The following DNAJC27 variants were observed in gnomAD, a reference collection of about 807,000 sequenced individuals.
The protein encoded by DNAJC27 is dnaJ homolog subfamily C member 27.
Under a neutral mutation model 31.4 loss-of-function variants are expected in DNAJC27, and 25 were observed. The ratio of observed to expected loss-of-function variants is 0.80; its 90% CI spans 0.58 to 1.11. The LOEUF is 1.11. DNAJC27 is among the 50% of genes most tolerant of loss of function. The pLI, the probability that DNAJC27 is intolerant of heterozygous loss-of-function variation, is 0.00. For missense variants in DNAJC27, 356 were observed against 347.3 expected, an observed-to-expected ratio of 1.02 and a Z score of -0.20; for synonymous variants, 106 against 112.7, an observed-to-expected ratio of 0.94 and a Z score of 0.37.
intron 1 of DNAJC27, chr2:24,969,184 T>C: frequency 4.6e-6 from 1 of 216,270 alleles, no homozygotes. Context: ...CTATTGCCTG[T>C]CACAAAACGT....
chr2:24,957,177 G>C lies in DNAJC27; in HGVS notation c.406-12C>G. On this transcript the variant is annotated splice_polypyrimidine_tract_variant and intron_variant, in intron 4 of 6. Coordinates refer to ENST00000264711, the MANE Select transcript of DNAJC27 (RefSeq NM_016544.3). The stretch of plus-strand genomic sequence containing the variant: ...TTGGTACAATCAATCTGAAATAGAA[G>C]GGGCGGGGGACAGAGAGAAGATTAC... The C allele has an allele frequency of 6.3e-7, 1 of 1,584,562 alleles. No individual in the cohort carries two copies. The highest frequency in any genetic ancestry group is 1.2e-5 in the South Asian group (1 of 86,232).
At chr2:24,970,368 G>C (rs1286488522) in intron 1 of DNAJC27, among the ~76,000 whole-genome samples, 1 of 151,526 alleles carries the variant, frequency 6.6e-6, no homozygotes, top group South Asian at 2.1e-4. Context: ...AATTGCACTG[G>C]CTAATAAAAC....
intron 1 of DNAJC27, among the ~76,000 whole-genome samples, chr2:24,968,411 ATG>A (rs1430160214): frequency 1.3e-5 from 2 of 152,282 alleles, no homozygotes; most frequent in African/African-American, 2.4e-5. Context: ...TAAAATGAGT[ATG>A]TGTTACTTTT....
intron 5 of DNAJC27, among the ~76,000 whole-genome samples, chr2:24,956,487 T>A (rs1329872886): frequency 2.0e-5 from 3 of 152,066 alleles, no homozygotes; most frequent in Non-Finnish European, 4.4e-5. Flanking sequence ...CTGGATGGAG[T>A]CTATACTGAC....
chr2:24,950,290 C>T (rs890994804), intron 6 of DNAJC27, among the ~76,000 whole-genome samples: 17 of 152,032 alleles, frequency 1.1e-4, no homozygotes, highest in African/African-American at 3.1e-4. Context: ...ATGTGTAGTG[C>T]TTTGGGTGCT....
chr2:24,966,128 C>T (rs888642135), intron 2 of DNAJC27, among the ~76,000 whole-genome samples: 2 of 152,260 alleles, frequency 1.3e-5, no homozygotes, highest in East Asian at 1.9e-4. Context: ...GAAGACCTTA[C>T]GGGAACAGGA....
Position 24,947,536 on chromosome 2 carries a change from A to G in DNAJC27, c.*80T>C. The stretch of plus-strand genomic sequence containing the variant: ...AAAGAGCAGTGAGATTCTGGGAAGG[A>G]AAACTCCACGTTGGTTATTTCACCT... On this transcript the variant is annotated 3_prime_UTR_variant, in exon 7 of 7. Transcript: ENST00000264711. 2.0e-6 allele frequency: 3 copies of G among 1,499,402 alleles called. No individual in the cohort carries two copies. Among genetic ancestry groups the G allele is most frequent in the Non-Finnish European group, 2.7e-6 (3 of 1,109,784 alleles). The allele number at this position is 1,499,402 out of a possible 1,614,324, so 92.9% of individuals were successfully genotyped here.
rs1345361741 is a variant in DNAJC27 at position 24,951,496 on chromosome 2, T to C, written c.587A>G (p.Asn196Ser). The C allele has an allele frequency of 1.9e-6, 3 of 1,613,686 alleles. No homozygotes were observed. The highest frequency in any genetic ancestry group is 1.7e-5 in the Admixed American group (1 of 59,952). Residue 196 changes from asparagine (N) to serine (S), a missense_variant, in exon 6 of 7, where the codon AAT becomes AGT. Transcript: ENST00000264711. Reference sequence around the variant, plus strand: ...TTCTTTGGTGAAACTAGCACTGCTATTGGTGGTAGGGCGTTTCCCGCCATT... The same window carrying C: ...TTCTTTGGTGAAACTAGCACTGCTACTGGTGGTAGGGCGTTTCCCGCCATT... ...CENGGKRPTT[N>S]SSASFTKEQA...
At chr2:24,954,012 T>C (rs1421034715) in intron 5 of DNAJC27, among the ~76,000 whole-genome samples, 3 of 152,132 alleles carry the variant, frequency 2.0e-5, no homozygotes, top group East Asian at 3.9e-4. Context: ...GGTTGTCTGC[T>C]TGGAGTCCAT....
In DNAJC27 at chr2:24,945,145, T is replaced by C. The variant is rs1034655008; in HGVS notation, c.*2471A>G. The C allele has an allele frequency of 6.6e-6, 1 of 152,208 alleles. No homozygotes were observed. Among genetic ancestry groups the C allele is most frequent in the Non-Finnish European group, 1.5e-5 (1 of 68,036 alleles). 9.4% of individuals were successfully genotyped at this position (152,208 alleles called of 1,614,324 possible). ...ATGAAGTTAGTGCCAAAAAAACCTTTCCATTGCAGATCATGCTTTATTTCT... is the reference window on the plus strand; with the variant it reads ...ATGAAGTTAGTGCCAAAAAAACCTTCCCATTGCAGATCATGCTTTATTTCT... On this transcript the variant is annotated 3_prime_UTR_variant, in exon 7 of 7. Transcript: ENST00000264711.
intron 3 of DNAJC27, among the ~76,000 whole-genome samples, chr2:24,960,139 T>C (rs958125956): frequency 1.3e-5 from 2 of 152,262 alleles, no homozygotes; most frequent in African/African-American, 4.8e-5. Flanking sequence ...GTGTTCACTT[T>C]ATGTGTGTGT....
At chr2:24,953,549 C>T in intron 5 of DNAJC27, 1 of 348,052 alleles carries the variant, frequency 2.9e-6, no homozygotes, top group Non-Finnish European at 4.0e-6. Context: ...TAAGTACTTA[C>T]TTATAGAATA....
At chr2:24,951,286 A>C in intron 6 of DNAJC27, 108 bp downstream of exon 6, 1 of 1,131,348 alleles carries the variant, frequency 8.8e-7, no homozygotes, top group Non-Finnish European at 1.2e-6. Flanking sequence ...ATTTTCATAC[A>C]TCTTCGTATT....
rs1261516199 is a variant in DNAJC27 at position 24,954,136 on chromosome 2, G to C, written c.529-2582C>G. Among the ~76,000 whole-genome samples the C allele has an allele frequency of 2.0e-5, 3 of 152,188 alleles. No individual in the cohort carries two copies. The East Asian group carries it at 5.8e-4, about 29-fold the overall frequency. ...CCATTGGAGAGGAGAGAGCTGTGCA[G>C]AGCTGGGCACCAAGTCCATATGGGG... On this transcript the variant is annotated intron_variant, in intron 5 of 6. Coordinates refer to ENST00000264711, the MANE Select transcript of DNAJC27 (RefSeq NM_016544.3).
Position 24,951,423 on chromosome 2 carries a change from G to A in DNAJC27, c.660C>T (p.Asp220=), listed in dbSNP as rs765674311. ...AGGCCCCAGGTTTGACTCCCAGCATGTCCCAACTGTCTTTACTATTTCGAA... is the reference window on the plus strand; with the variant it reads ...AGGCCCCAGGTTTGACTCCCAGCATATCCCAACTGTCTTTACTATTTCGAA... The part of the protein sequence containing the change: ...RRIRNSKDSW[D]MLGVKPGASR... Residue 220 remains aspartate, a synonymous_variant, in exon 6 of 7, where the codon GAC becomes GAT. Coordinates refer to ENST00000264711, the MANE Select transcript of DNAJC27 (RefSeq NM_016544.3). 1.2e-6 allele frequency: 2 copies of A among 1,613,228 alleles called. No homozygotes were observed. Among genetic ancestry groups the A allele is most frequent in the Admixed American group, 3.3e-5 (2 of 59,866 alleles).
At chr2:24,952,730 C>A (rs1665809809) in intron 5 of DNAJC27, among the ~76,000 whole-genome samples, 1 of 152,012 alleles carries the variant, frequency 6.6e-6, no homozygotes, top group Non-Finnish European at 1.5e-5. Flanking sequence ...GTGTGTGAGA[C>A]AGAGTGCCTA....
chr2:24,957,018 T>C, intron 5 of DNAJC27, 25 bp downstream of exon 5: 1 of 1,599,032 alleles, frequency 6.3e-7, no homozygotes, highest in Non-Finnish European at 8.5e-7. Context: ...GACACAAACC[T>C]TAAAACAACA....
Position 24,947,026 on chromosome 2 carries a change from G to A in DNAJC27, c.*590C>T, listed in dbSNP as rs937458938. 2 of 152,162 alleles carry A rather than the reference G, an allele frequency of 1.3e-5. No individual in the cohort carries two copies. Among genetic ancestry groups the A allele is most frequent in the African/African-American group, 4.8e-5 (2 of 41,418 alleles). The allele number at this position is 152,162 out of a possible 1,614,324, so 9.4% of individuals were successfully genotyped here. On this transcript the variant is annotated 3_prime_UTR_variant, in exon 7 of 7. Coordinates refer to ENST00000264711, the MANE Select transcript of DNAJC27 (RefSeq NM_016544.3). ...GGTGGCTGCAGAAGAGGAACAGAGT[G>A]AATATCATAAAGGAATGCTCAATTC...
intron 6 of DNAJC27, among the ~76,000 whole-genome samples, 157 bp downstream of exon 6, chr2:24,951,237 G>A (rs562818687): frequency 6.6e-6 from 1 of 152,312 alleles, no homozygotes; most frequent in East Asian, 1.9e-4. Context: ...TGTCTCTTTG[G>A]TATTCAGCTA....
Sources: gnomAD v4.1 joint callset for allele counts (sites outside exome capture counted in the v4.1 genomes callset) on GRCh38, gnomAD v4.1.1 for gene constraint, MANE v1.5 for transcripts, NCBI Gene and HGNC (gene_info 2026-07-23, HGNC 2026-07-21) for gene names.